The following ARHGAP10 variants were observed in gnomAD, a reference collection of about 807,000 sequenced individuals.
ARHGAP10 encodes rho GTPase-activating protein 10.
In ARHGAP10, 87 loss-of-function variants were observed where a neutral mutation model predicts 108.6. The observed-to-expected ratio is 0.80, with a 90% confidence interval of 0.67 to 0.96. The LOEUF is 0.96. ARHGAP10 is among the 40% of genes least tolerant of loss of function. ARHGAP10 has a pLI of 0.00. For synonymous variants in ARHGAP10, 347 were observed against 341.1 expected (o/e 1.02, Z -0.19); for missense variants, 939 against 954.5 (o/e 0.98, Z 0.21).
At chr4:147,746,544 C>T (rs1392857343) in intron 1 of ARHGAP10, among the ~76,000 whole-genome samples, 7 of 151,628 alleles carry the variant, frequency 4.6e-5, no homozygotes, top group Non-Finnish European at 1.0e-4. Flanking sequence ...CGCTTGCCAC[C>T]ACTCCCCGTT....
At chr4:147,947,793 G>C (rs1308189070) in intron 15 of ARHGAP10, among the ~76,000 whole-genome samples, 1 of 152,082 alleles carries the variant, frequency 6.6e-6, no homozygotes, top group African/African-American at 2.4e-5. Flanking sequence ...CAACTTATAT[G>C]ACGTATTTTG....
intron 22 of ARHGAP10, among the ~76,000 whole-genome samples, chr4:148,066,958 G>A (rs917791486): frequency 6.6e-6 from 1 of 152,200 alleles, no homozygotes. Flanking sequence ...GTCTCCCTTG[G>A]TTCTGTGCTC....
At chr4:147,880,869 T>G (rs1735300235) in intron 9 of ARHGAP10, among the ~76,000 whole-genome samples, 1 of 149,404 alleles carries the variant, frequency 6.7e-6, no homozygotes. Flanking sequence ...AATAGTCACA[T>G]ATTTTTTGTG....
chr4:147,929,089 T>C (rs529699528), intron 13 of ARHGAP10, among the ~76,000 whole-genome samples: 2 of 152,326 alleles, frequency 1.3e-5, no homozygotes, highest in African/African-American at 4.8e-5. Flanking sequence ...TTCCAAGATA[T>C]GTTTGTTTTT....
At chr4:147,802,072 T>A (rs1380956669) in intron 1 of ARHGAP10, among the ~76,000 whole-genome samples, 2 of 152,246 alleles carry the variant, frequency 1.3e-5, no homozygotes. Context: ...TGAGTAATGA[T>A]GACTGACAGG....
At chr4:148,046,540 C>A (rs1017682703) in intron 19 of ARHGAP10, among the ~76,000 whole-genome samples, 1 of 152,196 alleles carries the variant, frequency 6.6e-6, no homozygotes, top group African/African-American at 2.4e-5. Context: ...TTGGACCCCA[C>A]AGGGCTGGTG....
intron 1 of ARHGAP10, among the ~76,000 whole-genome samples, chr4:147,790,232 C>T (rs992495091): frequency 7.2e-5 from 11 of 152,100 alleles, no homozygotes; most frequent in African/African-American, 2.7e-4. Flanking sequence ...AGAGAAAACA[C>T]ATGCTTGAGT....
intron 1 of ARHGAP10, among the ~76,000 whole-genome samples, chr4:147,787,162 T>C (rs376482269): frequency 2.0e-5 from 3 of 152,136 alleles, no homozygotes; most frequent in South Asian, 4.1e-4. Context: ...CATAATCGGG[T>C]GCTGGAGGCT....
At chr4:147,851,587 G>T (rs1733878832) in intron 4 of ARHGAP10, among the ~76,000 whole-genome samples, 1 of 152,136 alleles carries the variant, frequency 6.6e-6, no homozygotes, top group South Asian at 2.1e-4. Context: ...ACTTAAACCT[G>T]TCTGGATAAT....
chr4:147,808,721 C>T (rs987130811), intron 1 of ARHGAP10, among the ~76,000 whole-genome samples: 3 of 152,102 alleles, frequency 2.0e-5, no homozygotes, highest in Admixed American at 6.5e-5. Flanking sequence ...CCAAAAATGA[C>T]AACCTAAAAA....
intron 16 of ARHGAP10, among the ~76,000 whole-genome samples, chr4:147,964,506 C>G (rs1476651404): frequency 6.6e-6 from 1 of 152,128 alleles, no homozygotes; most frequent in Admixed American, 6.5e-5. Flanking sequence ...TCATGCATGC[C>G]TTAGCATACC....
At chr4:147,960,314 G>A (rs1738945970) in intron 16 of ARHGAP10, among the ~76,000 whole-genome samples, 1 of 151,702 alleles carries the variant, frequency 6.6e-6, no homozygotes, top group Non-Finnish European at 1.5e-5. Context: ...CATCCTTTCT[G>A]TTTAGCAACA....
intron 1 of ARHGAP10, among the ~76,000 whole-genome samples, chr4:147,776,882 C>A (rs902024661): frequency 6.6e-6 from 1 of 152,150 alleles, no homozygotes; most frequent in Non-Finnish European, 1.5e-5. Context: ...CGAGGACTTT[C>A]GTTAGGACGA....
chr4:147,996,792 G>T (rs1377351294), intron 18 of ARHGAP10, among the ~76,000 whole-genome samples: 1 of 152,172 alleles, frequency 6.6e-6, no homozygotes, highest in Non-Finnish European at 1.5e-5. Flanking sequence ...GGTCATGAAG[G>T]TGGGGTCCTA....
At chr4:147,968,673 T>G (rs1051428201) in intron 18 of ARHGAP10, among the ~76,000 whole-genome samples, 3 of 152,204 alleles carry the variant, frequency 2.0e-5, no homozygotes, top group Admixed American at 6.5e-5. Context: ...ACTTTTAGAT[T>G]TTTTTTTCTT....
intron 7 of ARHGAP10, among the ~76,000 whole-genome samples, chr4:147,867,323 G>T (rs1016208414): frequency 2.0e-5 from 3 of 152,188 alleles, no homozygotes; most frequent in Non-Finnish European, 4.4e-5. Context: ...AGATTTAGGA[G>T]AATGTTATTA....
chr4:147,797,632 C>T (rs1390033221), intron 1 of ARHGAP10, among the ~76,000 whole-genome samples: 2 of 152,036 alleles, frequency 1.3e-5, no homozygotes, highest in Admixed American at 6.6e-5. Flanking sequence ...AGGATGATCT[C>T]GATCTCTTGA....
chr4:148,016,983 T>TA (rs767261865), intron 18 of ARHGAP10, among the ~76,000 whole-genome samples: 2,413 of 112,548 alleles, frequency 0.021, 24 homozygotes, highest in Non-Finnish European at 0.025. Context: ...TCATCTCTAT[T>TA]AAAAAAAAAA....
chr4:147,740,834 A>AT (rs1578986890), intron 1 of ARHGAP10, among the ~76,000 whole-genome samples: 1 of 152,032 alleles, frequency 6.6e-6, no homozygotes, highest in East Asian at 1.9e-4. Flanking sequence ...ACATTCATTT[A>AT]TTTTTCCCCC....
Sources: allele counts gnomAD v4.1 joint callset (sites outside exome capture counted in the v4.1 genomes callset), GRCh38; gene constraint gnomAD v4.1.1; transcripts MANE v1.5; gene names NCBI Gene and HGNC (gene_info 2026-07-23, HGNC 2026-07-21).